Variants in PCDH10 observed in about 807,000 individuals in gnomAD.
PCDH10 encodes protocadherin-10.
A neutral mutation model predicts 74.4 loss-of-function variants in PCDH10; 15 were observed. The observed-to-expected ratio is 0.20, with a 90% CI of 0.13 to 0.31. PCDH10 has a LOEUF of 0.31. Among genes scored for constraint, PCDH10 ranks in the 10% least tolerant of loss-of-function variants. The pLI, the probability that PCDH10 is intolerant of heterozygous loss-of-function variation, is 1.00. For synonymous variants in PCDH10, 619 were observed against 589.8 expected, an observed-to-expected ratio of 1.05 and a Z score of -0.72; for missense variants, 1,260 against 1,390.2, an observed-to-expected ratio of 0.91 and a Z score of 1.49.
intron 1 of PCDH10, chr4:133,153,678 A>G (rs1292214540): frequency 4.6e-5 from 4 of 87,284 alleles, no homozygotes; most frequent in African/African-American, 1.4e-4. Flanking sequence ...TGTGGGTGGT[A>G]GAGGTGGGGA....
rs1727744421 is a variant in PCDH10, at chr4:133,194,242, A to G, written c.*4082A>G. On this transcript the variant is annotated 3_prime_UTR_variant, in exon 5 of 5. Transcript: ENST00000264360. ...TGCTTTTATTTCTTGAAAAGTTGTCACATGCTTAGTTTGAAGTTTTACTCT... is the reference window on the plus strand; with the variant it reads ...TGCTTTTATTTCTTGAAAAGTTGTCGCATGCTTAGTTTGAAGTTTTACTCT... 6.6e-6 allele frequency: 1 copy of G among 151,836 alleles called. No individual in the cohort carries two copies. Among genetic ancestry groups the G allele is most frequent in the Non-Finnish European group, 1.5e-5 (1 of 67,794 alleles). The allele number at this position is 151,836 out of a possible 1,614,324, so 9.4% of individuals were successfully genotyped here.
chr4:133,189,936 A>T (rs933074210), intron 4 of PCDH10, among the ~76,000 whole-genome samples: 1 of 152,118 alleles, frequency 6.6e-6, no homozygotes, highest in Admixed American at 6.6e-5. Flanking sequence ...AAACTAATTT[A>T]TAAGAATATC....
At position 133,151,044 on chromosome 4, in the gene PCDH10, G is replaced by C. The variant is rs767573925; in HGVS notation, c.904G>C (p.Gly302Arg). Residue 302 changes from glycine to arginine, a missense_variant, in exon 1 of 5, where the codon GGA becomes CGA. Around this residue, in one of 11 missense-constraint regions of PCDH10, gnomAD observed 192 missense variants for 161.2 expected, o/e 1.19. Transcript: ENST00000264360. The stretch of plus-strand genomic sequence containing the variant: ...TTCGCCCCGGGCGCGGGAGCTTTTC[G>C]GACTCTCGCCGCGCACTGGCAGACT... The part of the protein sequence containing the change: ...HISPRARELF[G>R]LSPRTGRLEV... 2.2e-5 allele frequency: 36 copies of C among 1,613,796 alleles called. No homozygotes were observed. Among genetic ancestry groups the C allele is most frequent in the Middle Eastern group, 1.6e-4 (1 of 6,084 alleles).
downstream of PCDH10, among the ~76,000 whole-genome samples, chr4:133,199,325 T>TAATAATA (rs1208101258): frequency 7.3e-6 from 1 of 137,158 alleles, no homozygotes; most frequent in African/African-American, 2.7e-5. Flanking sequence ...ATAATAATAA[T>TAATAATA]AATTAATTAA....
chr4:133,160,122 GAA>G (rs1726936832), intron 3 of PCDH10, among the ~76,000 whole-genome samples: 1 of 151,812 alleles, frequency 6.6e-6, no homozygotes, highest in Admixed American at 6.6e-5. Flanking sequence ...TTACTTATCT[GAA>G]GTTTATTGAT....
chr4:133,152,666 T>C lies in PCDH10; in HGVS notation c.2526T>C (p.Pro842=), dbSNP rs1169942600. The C allele has an allele frequency of 6.2e-7, 1 of 1,614,210 alleles. No homozygotes were observed. Among genetic ancestry groups the C allele is most frequent in the Non-Finnish European group, 8.5e-7 (1 of 1,180,042 alleles). Residue 842 remains proline, a synonymous_variant, in exon 1 of 5, where the codon CCT becomes CCC. Coordinates refer to ENST00000264360, the MANE Select transcript of PCDH10 (RefSeq NM_032961.3). ...TDLMFLKPCS[P]SRSTDTEHNP... ...TGATGTTTCTTAAGCCCTGCAGCCC[T>C]TCGCGGAGTACGGACACTGAGCACA...
downstream of PCDH10, among the ~76,000 whole-genome samples, chr4:133,195,589 G>A (rs553532555): frequency 7.2e-5 from 11 of 152,068 alleles, no homozygotes; most frequent in South Asian, 1.5e-3. Flanking sequence ...CTAACAGTGC[G>A]AGAAAGTAAG....
chr4:133,160,952 A>T (rs543475629), intron 3 of PCDH10, among the ~76,000 whole-genome samples: 1 of 152,072 alleles, frequency 6.6e-6, no homozygotes, highest in South Asian at 2.1e-4. Context: ...ATGTCAAAGT[A>T]TCAATCTTCT....
Position 133,191,583 on chromosome 4 carries a change from C to G in PCDH10, c.*1423C>G, listed in dbSNP as rs1054076078. 9 of 152,108 alleles carry G rather than the reference C, an allele frequency of 5.9e-5. 1 individual carries two copies. The South Asian group carries it at 8.3e-4, about 14-fold the overall frequency. 9.4% of individuals were successfully genotyped at this position (152,108 alleles called of 1,614,324 possible). On this transcript the variant is annotated 3_prime_UTR_variant, in exon 5 of 5. Coordinates refer to ENST00000264360, the MANE Select transcript of PCDH10 (RefSeq NM_032961.3). ...ATTAAATTTAGTAAGACGCACTTTC[C>G]TTTCTTTTATATATTTTTTCTACTG... is the stretch of plus-strand genomic sequence containing the variant.
Position 133,194,438 on chromosome 4 carries a change from A to C in PCDH10, c.*4278A>C, listed in dbSNP as rs1191790087. The C allele has an allele frequency of 1.3e-5, 2 of 151,912 alleles. No homozygotes were observed. The highest frequency in any genetic ancestry group is 6.6e-5 in the Admixed American group (1 of 15,208). 9.4% of individuals were successfully genotyped at this position (151,912 alleles called of 1,614,324 possible). A position where few individuals can be genotyped will look rare whatever the true frequency, so the allele number is the denominator to read the frequency against. On this transcript the variant is annotated 3_prime_UTR_variant, in exon 5 of 5. Coordinates refer to ENST00000264360, the MANE Select transcript of PCDH10 (RefSeq NM_032961.3). ...TCAGCTCTAAACACATTTTTGAGAC[A>C]GTTATCTGTGAGTGAAAACAGGGTA... is the stretch of plus-strand genomic sequence containing the variant.
rs554222780 is a variant in PCDH10 at position 133,150,746 on chromosome 4, C to T, written c.606C>T (p.Thr202=). 1.2e-4 allele frequency: 184 copies of T among 1,545,628 alleles called. 3 individuals carry two copies. The South Asian group carries it at 1.9e-3, about 16-fold the overall frequency. Residue 202 remains threonine, a synonymous_variant, in exon 1 of 5, where the codon ACC becomes ACT. Transcript: ENST00000264360. ...AAGCGGTGCACCGCTACGTGCTGAC[C>T]GCGGTGGACGGAGGAGGTGGGGGAG... The part of the protein sequence containing the change: ...EQQAVHRYVL[T]AVDGGGGGGV...
chr4:133,176,656 C>CTCCCTA (rs1727302191), intron 4 of PCDH10, among the ~76,000 whole-genome samples: 2 of 152,100 alleles, frequency 1.3e-5, no homozygotes, highest in African/African-American at 4.8e-5. Flanking sequence ...AAAGTACAGT[C>CTCCCTA]TCCCTATTTT....
intron 4 of PCDH10, 75 bp downstream of exon 4, chr4:133,163,357 T>C (rs747359988): frequency 1.1e-5 from 15 of 1,346,842 alleles, no homozygotes; most frequent in Non-Finnish European, 1.4e-5. Flanking sequence ...CTCTTTTTGG[T>C]AAAAATGGAG....
In PCDH10 at chr4:133,151,610, G is replaced by C. The variant is rs2125858187; in HGVS notation, c.1470G>C (p.Arg490=). Residue 490 remains arginine (R), a synonymous_variant, in exon 1 of 5, where the codon CGG becomes CGC. Coordinates refer to ENST00000264360, the MANE Select transcript of PCDH10 (RefSeq NM_032961.3). ...TCTACGCGGTGAGCGCCACCGACCG[G>C]GATGAGGGCGCCAACGCCCAGCTTG... ...AYIYAVSATD[R]DEGANAQLAY... The C allele has an allele frequency of 6.2e-7, 1 of 1,613,892 alleles. No homozygotes were observed. The highest frequency in any genetic ancestry group is 8.5e-7 in the Non-Finnish European group (1 of 1,180,040).
chr4:133,178,074 C>T (rs1266017887), intron 4 of PCDH10, among the ~76,000 whole-genome samples: 1 of 152,026 alleles, frequency 6.6e-6, no homozygotes, highest in Non-Finnish European at 1.5e-5. Flanking sequence ...TCTAGCTTGT[C>T]CAATCTATCA....
At chr4:133,157,562 A>T (rs1726892135) in intron 3 of PCDH10, among the ~76,000 whole-genome samples, 1 of 152,170 alleles carries the variant, frequency 6.6e-6, no homozygotes, top group South Asian at 2.1e-4. Context: ...TCACTTAACT[A>T]GGTTTTAGTA....
chr4:133,162,999 C>T lies in PCDH10; in HGVS notation c.2820C>T (p.Cys940=). 1 of 1,613,088 alleles carries T rather than the reference C, an allele frequency of 6.2e-7. No individual in the cohort carries two copies. The change falls in exon 4 of 5, where the codon TGC becomes TGT. Residue 940 remains cysteine, a synonymous_variant. Coordinates refer to ENST00000264360, the MANE Select transcript of PCDH10 (RefSeq NM_032961.3). ...QSAGMDLFSN[C]TEECKALGHS... ...CAGGTATGGATCTCTTCTCCAATTGCACTGAGGAATGTAAAGCTCTGGGCC... is the reference window on the plus strand; with the variant it reads ...CAGGTATGGATCTCTTCTCCAATTGTACTGAGGAATGTAAAGCTCTGGGCC...
In PCDH10 at chr4:133,190,398, G is replaced by T; in HGVS notation, c.*238G>T. 4 of 577,600 alleles carry T rather than the reference G, an allele frequency of 6.9e-6. No individual in the cohort carries two copies. The allele number at this position is 577,600 out of a possible 1,614,324, so 35.8% of individuals were successfully genotyped here. On this transcript the variant is annotated 3_prime_UTR_variant, in exon 5 of 5. Coordinates refer to ENST00000264360, the MANE Select transcript of PCDH10 (RefSeq NM_032961.3). ...TAGAGGCAACAGATTTTGCCTCCCC[G>T]ATCAGTGTGTGCCTGTTTACAGCAC...
intron 4 of PCDH10, among the ~76,000 whole-genome samples, chr4:133,178,527 G>A (rs1256897806): frequency 6.7e-6 from 1 of 148,274 alleles, no homozygotes; most frequent in Non-Finnish European, 1.5e-5. Flanking sequence ...TGAGCCACCC[G>A]GCCTGGACTT....
Sources: gnomAD v4.1 joint callset for allele counts (sites outside exome capture counted in the v4.1 genomes callset) on GRCh38, gnomAD v4.1.1 for gene constraint, gnomAD v4.1.1 regional missense constraint, MANE v1.5 for transcripts, NCBI Gene and HGNC (gene_info 2026-07-23, HGNC 2026-07-21) for gene names.